The following EIF3C variants were observed in gnomAD, a reference collection of about 807,000 sequenced individuals.
EIF3C encodes eukaryotic translation initiation factor 3 subunit C.
Under a neutral mutation model 11.1 loss-of-function variants are expected in EIF3C, and 2 were observed. That is an observed-to-expected ratio of 0.18 (90% confidence interval 0.07 to 0.57). The LOEUF (loss-of-function observed/expected upper bound fraction) is 0.57, where lower values mean the gene tolerates loss of function less well. EIF3C is among the 20% of genes least tolerant of loss of function. The pLI is 0.92. For synonymous variants in EIF3C, 2 were observed against 41.5 expected, an observed-to-expected ratio of 0.05 and a Z score of 3.66; for missense variants, 16 against 114.6, an observed-to-expected ratio of 0.14 and a Z score of 3.93.
At chr16:28,718,654 A>T (rs1235912227) in intron 8 of EIF3C, among the ~76,000 whole-genome samples, 1 of 127,294 alleles carries the variant, frequency 7.9e-6, no homozygotes, top group Admixed American at 8.1e-5. Context: ...AGAGTCTTGC[A>T]CTGTCGCCCA....
At chr16:28,723,770 CCTCTTTT>C in intron 10 of EIF3C, among the ~76,000 whole-genome samples, 1 of 16,648 alleles carries the variant, frequency 6.0e-5, no homozygotes, top group East Asian at 7.4e-4. Flanking sequence ...ATAATGTTCT[CCTCTTTT>C]TTTTTTTTTT....
rs1489540168 is a variant in EIF3C at position 28,697,189 on chromosome 16, T to C, written c.-31+8361T>C. On this transcript the variant is annotated intron_variant, in intron 1 of 20. Transcript: ENST00000566501. ...AGTGCAAACTTTATTTGAGTTTTTTTTTTTTTAATTTATTTTTTTATTGAT... is the reference window on the plus strand; with the variant it reads ...AGTGCAAACTTTATTTGAGTTTTTTCTTTTTTAATTTATTTTTTTATTGAT... Among the ~76,000 whole-genome samples the C allele has an allele frequency of 8.2e-5, 3 of 36,700 alleles. 1 individual carries two copies. Among genetic ancestry groups the C allele is most frequent in the Non-Finnish European group, 1.4e-4 (3 of 22,038 alleles). The allele number at this position is 36,700 out of a possible 152,430, so 24.1% of individuals were successfully genotyped here.
At chr16:28,699,488 G>GGAGAC (rs2048268586) in intron 1 of EIF3C, among the ~76,000 whole-genome samples, 1 of 39,374 alleles carries the variant, frequency 2.5e-5, no homozygotes, top group Non-Finnish European at 6.5e-5. Flanking sequence ...GAGACGGAGA[G>GGAGAC]GGAGAGGGAG....
At chr16:28,723,657 G>A in intron 10 of EIF3C, 106 bp downstream of exon 10, 1 of 735,912 alleles carries the variant, frequency 1.4e-6, no homozygotes. Context: ...AGAGGGAATT[G>A]TATGCTTGGG....
intron 8 of EIF3C, 153 bp from the exon 9 acceptor site, chr16:28,723,011 T>A: frequency 1.3e-6 from 1 of 754,406 alleles, no homozygotes; most frequent in Non-Finnish European, 2.2e-6. Context: ...TAGAGATGGC[T>A]ATGGTTATGG....
chr16:28,698,488 C>T lies in EIF3C; in HGVS notation c.-31+9660C>T, dbSNP rs1373023884. Among the ~76,000 whole-genome samples the T allele has an allele frequency of 6.0e-5, 5 of 82,670 alleles. 1 individual carries two copies. Among genetic ancestry groups the T allele is most frequent in the South Asian group, 8.2e-4 (1 of 1,224 alleles). The allele number at this position is 82,670 out of a possible 152,430, so 54.2% of individuals were successfully genotyped here. ...GGCTGGCCAGGCGGAGGGGCTGACC[C>T]CCCACCTCCCTCCCGGATGGGGCGG... On this transcript the variant is annotated intron_variant, in intron 1 of 20. Coordinates refer to the EIF3C transcript ENST00000566501.
chr16:28,729,852 C>T (rs1337930545), intron 15 of EIF3C, among the ~76,000 whole-genome samples: 1 of 150,012 alleles, frequency 6.7e-6, no homozygotes, highest in African/African-American at 2.5e-5. Context: ...CCCACCTACT[C>T]AGGAGGCTGA....
chr16:28,729,863 G>T (rs2048423363), intron 15 of EIF3C, among the ~76,000 whole-genome samples: 1 of 150,280 alleles, frequency 6.7e-6, no homozygotes, highest in Admixed American at 6.7e-5. Flanking sequence ...AGGAGGCTGA[G>T]GTAGGAGGAT....
At chr16:28,727,799 A>G (rs2048394316) in intron 15 of EIF3C, among the ~76,000 whole-genome samples, 2 of 116,422 alleles carry the variant, frequency 1.7e-5, no homozygotes, top group Admixed American at 9.6e-5. Context: ...AAAAGTGGTT[A>G]TACCATTTTA....
intron 1 of EIF3C, among the ~76,000 whole-genome samples, chr16:28,697,684 C>G (rs1392646848): frequency 3.7e-5 from 3 of 80,748 alleles, no homozygotes; most frequent in Non-Finnish European, 6.4e-5. Flanking sequence ...CATCCTGGCC[C>G]GTTCTCAATG....
intron 8 of EIF3C, chr16:28,722,592 C>CTGG (rs2048341224): frequency 1.4e-5 from 1 of 70,076 alleles, no homozygotes; most frequent in Non-Finnish European, 3.0e-5. Context: ...GAGAAAGCAG[C>CTGG]TGGTATCAAA....
intron 1 of EIF3C, among the ~76,000 whole-genome samples, chr16:28,699,521 C>T (rs1596704839): frequency 1.3e-5 from 1 of 79,782 alleles, no homozygotes; most frequent in Non-Finnish European, 2.3e-5. Context: ...AGGGAGAGGG[C>T]ATGAAAATAG....
At chr16:28,698,825 A>C in intron 1 of EIF3C, among the ~76,000 whole-genome samples, 1 of 12,732 alleles carries the variant, frequency 7.9e-5, no homozygotes, top group South Asian at 0.026. Context: ...CGCTCCTCAC[A>C]TCCCAGATGG....
At chr16:28,692,638 A>G (rs2048224470) in intron 1 of EIF3C, among the ~76,000 whole-genome samples, 1 of 139,104 alleles carries the variant, frequency 7.2e-6, no homozygotes, top group Non-Finnish European at 1.5e-5. Flanking sequence ...GGGCACCTGT[A>G]GTCCCAGCTA....
intron 1 of EIF3C, among the ~76,000 whole-genome samples, chr16:28,698,640 G>T (rs1207928596): frequency 1.1e-5 from 1 of 87,300 alleles, no homozygotes; most frequent in Non-Finnish European, 2.0e-5. Flanking sequence ...CCCAGATGGG[G>T]TGGCTGCCGG....
chr16:28,697,955 C>T (rs1382749224), intron 1 of EIF3C, among the ~76,000 whole-genome samples: 5 of 91,816 alleles, frequency 5.4e-5, no homozygotes, highest in African/African-American at 2.2e-4. Flanking sequence ...CGGGCAGAGG[C>T]GCCCCTCACC....
chr16:28,725,765 C>CGGAA (rs1555491085), intron 13 of EIF3C, among the ~76,000 whole-genome samples: 2 of 20,988 alleles, frequency 9.5e-5, no homozygotes, highest in African/African-American at 4.7e-4. Flanking sequence ...GACTCCATCT[C>CGGAA]AAAAAAAAAA....
intron 15 of EIF3C, among the ~76,000 whole-genome samples, chr16:28,730,053 G>T (rs1225252431): frequency 1.3e-5 from 2 of 148,482 alleles, no homozygotes; most frequent in Non-Finnish European, 3.0e-5. Flanking sequence ...TTTTGAAAAA[G>T]GGTGTCACTC....
chr16:28,699,475 A>G (rs1351180901), intron 1 of EIF3C, among the ~76,000 whole-genome samples: 3 of 92,522 alleles, frequency 3.2e-5, no homozygotes, highest in African/African-American at 1.5e-4. Flanking sequence ...GGAGACGGAG[A>G]CGGAGACGGA....
Sources: allele counts gnomAD v4.1 joint callset (sites outside exome capture counted in the v4.1 genomes callset), GRCh38; gene constraint gnomAD v4.1.1; transcripts MANE v1.5; gene names NCBI Gene and HGNC (gene_info 2026-07-23, HGNC 2026-07-21).